Variants in POLR1A observed in about 807,000 individuals in gnomAD.
POLR1A encodes DNA-directed RNA polymerase I subunit RPA1.
POLR1A carries 84 observed loss-of-function variants against 205.3 expected under a neutral mutation model. That is an observed-to-expected ratio of 0.41 (90% CI 0.34 to 0.49). POLR1A has a LOEUF of 0.49. Among genes scored for constraint, POLR1A ranks in the 20% least tolerant of loss-of-function variants. The probability of loss-of-function intolerance (pLI) is 0.22; values close to 1 mark genes in which losing one functional copy is unlikely to be tolerated. For synonymous variants in POLR1A, 799 were observed against 863.7 expected, an observed-to-expected ratio of 0.93 and a Z score of 1.31; for missense variants, 1,645 against 2,204.5, an observed-to-expected ratio of 0.75 and a Z score of 5.08.
chr2:86,030,452 G>A (rs980999188), intron 30 of POLR1A, 56 bp from the exon 31 acceptor site: 9 of 1,302,616 alleles, frequency 6.9e-6, no homozygotes, highest in South Asian at 2.4e-5. Flanking sequence ...CCCACAAAGA[G>A]GACTGAGGCG....
chr2:86,079,030 G>C (rs966335764), intron 9 of POLR1A, among the ~76,000 whole-genome samples: 1 of 152,148 alleles, frequency 6.6e-6, no homozygotes, highest in African/African-American at 2.4e-5. Flanking sequence ...GGAGACAGAT[G>C]GTCCCACGTC....
chr2:86,044,638 C>T (rs1672678641), intron 21 of POLR1A, among the ~76,000 whole-genome samples: 2 of 152,170 alleles, frequency 1.3e-5, no homozygotes, highest in African/African-American at 4.8e-5. Context: ...TGCAGAGCTC[C>T]CCAGAGACCA....
chr2:86,098,745 G>A lies in POLR1A; in HGVS notation c.298C>T (p.Leu100Phe). 6.2e-7 allele frequency: 1 copy of A among 1,614,046 alleles called. No individual in the cohort carries two copies. Among genetic ancestry groups the A allele is most frequent in the Non-Finnish European group, 8.5e-7 (1 of 1,179,968 alleles). ...PLLFDKLYLL[L>F]RGSCLNCHML... ...TGGCAGTTTAAACAAGAGCCCCGAA[G>A]CAGCAGGTACAGCTTCTGAAGAGAG... The change falls in exon 3 of 34, where the codon CTT becomes TTT. Residue 100 changes from leucine (L) to phenylalanine (F), a missense_variant. This residue lies in a region of POLR1A where 330 missense variants were observed against 375.6 expected (regional missense o/e 0.88). Coordinates refer to ENST00000263857, the MANE Select transcript of POLR1A (RefSeq NM_015425.6).
At position 86,102,763 on chromosome 2, in the gene POLR1A, G is replaced by T. The variant is rs73944243; in HGVS notation, c.78-2591C>A. On this transcript the variant is annotated intron_variant, in intron 1 of 33. Transcript: ENST00000263857. ...TTACAGGAGTGGGATGAAGAGTAGG[G>T]GCAACTAGCAAGGATTCCACCAGTC... Among the ~76,000 whole-genome samples the T allele has an allele frequency of 2.1e-3, 314 of 152,288 alleles. 2 individuals are homozygous for T. Among genetic ancestry groups the T allele is most frequent in the African/African-American group, 7.2e-3 (300 of 41,560 alleles).
intron 12 of POLR1A, among the ~76,000 whole-genome samples, chr2:86,071,959 A>G (rs1673186465): frequency 6.6e-6 from 1 of 152,240 alleles, no homozygotes; most frequent in African/African-American, 2.4e-5. Flanking sequence ...GATAGCAGGC[A>G]GGAGAAAACA....
At chr2:86,097,242 A>AAAAAAAAAAAAAAAAC (rs70953984) in intron 3 of POLR1A, among the ~76,000 whole-genome samples, 1 of 137,464 alleles carries the variant, frequency 7.3e-6, no homozygotes, top group South Asian at 2.2e-4. Flanking sequence ...AAAAAAAAAA[A>AAAAAAAAAAAAAAAAC]GCAAATGCTG....
chr2:86,077,588 C>G (rs1436385680), intron 11 of POLR1A, among the ~76,000 whole-genome samples: 1 of 152,178 alleles, frequency 6.6e-6, no homozygotes, highest in African/African-American at 2.4e-5. Context: ...CTGCAGTCAG[C>G]TCCCTGGTGC....
chr2:86,034,417 T>C (rs956712541), intron 27 of POLR1A, among the ~76,000 whole-genome samples: 46 of 152,220 alleles, frequency 3.0e-4, no homozygotes, highest in African/African-American at 1.1e-3. Context: ...AGAGATAACT[T>C]AGCTTGTGGC....
rs370485237 is a variant in POLR1A, at chr2:86,054,201, C to T, written c.2147G>A (p.Trp716Ter). Residue 716 changes from tryptophan to a stop codon, truncating the protein, a stop_gained, in exon 15 of 34, where the codon TGG becomes TAG. Coordinates refer to ENST00000263857, the MANE Select transcript of POLR1A (RefSeq NM_015425.6). LOFTEE classifies it high-confidence loss of function. Reference sequence around the variant, plus strand: ...AACGGATCGAGGAGTTTCCTTCACCCAGGCTTTCCCAGTGATTTTCGCCTT... The same window carrying T: ...AACGGATCGAGGAGTTTCCTTCACCTAGGCTTTCCCAGTGATTTTCGCCTT... ...SGKAKITGKA[W>*]VKETPRSVPG... The T allele has an allele frequency of 6.2e-7, 1 of 1,613,882 alleles. No homozygotes were observed. The highest frequency in any genetic ancestry group is 1.3e-5 in the African/African-American group (1 of 74,904).
chr2:86,049,046 G>A lies in POLR1A; in HGVS notation c.2476-4C>T. 1 of 1,614,204 alleles carries A rather than the reference G, an allele frequency of 6.2e-7. No homozygotes were observed. Among genetic ancestry groups the A allele is most frequent in the Non-Finnish European group, 8.5e-7 (1 of 1,180,020 alleles). On this transcript the variant is annotated splice_region_variant and splice_polypyrimidine_tract_variant and intron_variant, in intron 17 of 33. Coordinates refer to ENST00000263857, the MANE Select transcript of POLR1A (RefSeq NM_015425.6). ...GGTTTAATGCAGCCCTGACAGCCTA[G>A]AATGAGAACAGAAACACAGCGGAGG...
At chr2:86,055,297 G>GA (rs903433351) in intron 14 of POLR1A, among the ~76,000 whole-genome samples, 16 of 151,608 alleles carry the variant, frequency 1.1e-4, no homozygotes, top group East Asian at 5.9e-4. Context: ...TCTGTCTCAA[G>GA]AAAAAAAAGA....
At chr2:86,068,386 CG>C (rs543719645) in intron 13 of POLR1A, among the ~76,000 whole-genome samples, 272 of 12,222 alleles carry the variant, frequency 0.022, 4 homozygotes, top group African/African-American at 0.12. Flanking sequence ...AGCACATGGG[CG>C]GGGGGGGGGG....
At chr2:86,062,320 A>G (rs76242199) in intron 14 of POLR1A, among the ~76,000 whole-genome samples, 1,562 of 152,318 alleles carry the variant, frequency 0.01, 25 homozygotes, top group African/African-American at 0.036. Context: ...TCCCAATTTT[A>G]TTTGGTACAA....
chr2:86,087,608 TCTC>T (rs1673525528), intron 6 of POLR1A, among the ~76,000 whole-genome samples: 1 of 152,234 alleles, frequency 6.6e-6, no homozygotes, highest in Non-Finnish European at 1.5e-5. Flanking sequence ...GGTGGCACGA[TCTC>T]AGCTCACTGC....
At chr2:86,097,935 T>A (rs756249082) in intron 3 of POLR1A, among the ~76,000 whole-genome samples, 18 of 152,238 alleles carry the variant, frequency 1.2e-4, no homozygotes, top group Non-Finnish European at 2.6e-4. Context: ...AGAACTGATA[T>A]GCTAATTATC....
rs114516420 is a variant in POLR1A, at chr2:86,070,344, C to T, written c.1612-72G>A. On this transcript the variant is annotated intron_variant, in intron 12 of 33. Transcript: ENST00000263857. This position sits in a 1 kb window ranked among gnomAD's most constrained non-coding sequence, Gnocchi z 4.4. ...CACCACGGCTCTTTCCAAGTGCTCA[C>T]CTCAGCTTGACCAAGGTGTGGCTTT... is the stretch of plus-strand genomic sequence containing the variant. 4.4e-3 allele frequency: 6,492 copies of T among 1,489,752 alleles called. 15 individuals are homozygous for T. The highest frequency in any genetic ancestry group is 5.4e-3 in the Non-Finnish European group (5,922 of 1,104,440). The allele number at this position is 1,489,752 out of a possible 1,614,324, so 92.3% of individuals were successfully genotyped here. A position where few individuals can be genotyped will look rare whatever the true frequency, so the allele number is the denominator to read the frequency against.
rs1192180363 is a variant in POLR1A at position 86,041,962 on chromosome 2, C to T, written c.3499G>A (p.Val1167Ile). The part of the protein sequence containing the change: ...ASVSETFETK[V>I]DDYSQEWAAQ... ...GCCCACTCTTGACTGTAGTCATCAA[C>T]CTTTGTTTCAAATGTTTCTGACACT... The change falls in exon 24 of 34, where the codon GTT (valine) becomes ATT (isoleucine). Residue 1167 changes from valine to isoleucine, a missense_variant. Transcript: ENST00000263857. 2 of 1,614,212 alleles carry T rather than the reference C, an allele frequency of 1.2e-6. No individual in the cohort carries two copies. Among genetic ancestry groups the T allele is most frequent in the Non-Finnish European group, 1.7e-6 (2 of 1,180,024 alleles).
Position 86,078,212 on chromosome 2 carries a change from G to C in POLR1A, c.1159C>G (p.Leu387Val), listed in dbSNP as rs1309819151. The change falls in exon 10 of 34, where the codon CTT (leucine) becomes GTT (valine). Residue 387 changes from leucine to valine, a missense_variant. Transcript: ENST00000263857. ...TGAAGGCGAATCCAAATGTTGTAAA[G>C]TTTGTCTATGAGGGACTGGCCTGGA... ...TLPGQSLIDKLYNIWIRLQSH... is the reference protein window; with the variant it reads ...TLPGQSLIDKVYNIWIRLQSH... 6.2e-7 allele frequency: 1 copy of C among 1,612,956 alleles called. No homozygotes were observed. Among genetic ancestry groups the C allele is most frequent in the Non-Finnish European group, 8.5e-7 (1 of 1,179,744 alleles).
At chr2:86,045,521 G>GT in intron 20 of POLR1A, 96 bp downstream of exon 20, 2 of 1,380,184 alleles carry the variant, frequency 1.4e-6, no homozygotes, top group Non-Finnish European at 2.0e-6. Context: ...ATAGCCCCCA[G>GT]TGTCTTCTGC....
Sources: allele counts gnomAD v4.1 joint callset (sites outside exome capture counted in the v4.1 genomes callset), GRCh38; gene constraint gnomAD v4.1.1; regional missense constraint gnomAD v4.1.1; non-coding constraint Gnocchi (gnomAD v3.1); transcripts MANE v1.5; gene names NCBI Gene and HGNC (gene_info 2026-07-23, HGNC 2026-07-21).